The following TTLL5 variants were observed in gnomAD, a reference collection of about 807,000 sequenced individuals.
TTLL5 encodes the protein tubulin tyrosine ligase like 5.
In TTLL5, 132 loss-of-function variants were observed where a neutral mutation model predicts 168.4. The ratio of observed to expected loss-of-function variants is 0.78; its 90% CI spans 0.68 to 0.91. The LOEUF (loss-of-function observed/expected upper bound fraction) is 0.91, where lower values mean the gene tolerates loss of function less well. Ranked by LOEUF, TTLL5 falls within the 40% of genes least tolerant of loss-of-function variation. The pLI is 0.00. For synonymous variants in TTLL5, 546 were observed against 558.6 expected, an observed-to-expected ratio of 0.98 and a Z score of 0.32; for missense variants, 1,545 against 1,581.5, an observed-to-expected ratio of 0.98 and a Z score of 0.39.
chr14:75,746,086 T>C (rs766870621), intron 17 of TTLL5, among the ~76,000 whole-genome samples: 7 of 152,176 alleles, frequency 4.6e-5, no homozygotes, highest in Admixed American at 6.5e-5. Context: ...ATCCTCCACA[T>C]GACCCTGGGC....
rs115052328 is a variant in TTLL5, at chr14:75,889,214, C to T, written c.3740+6312C>T. ...ATTGGCCACTGCAGAAAATTGAATT[C>T]GCAAACTAAAAGACAAATGCCAAAA... On this transcript the variant is annotated intron_variant, in intron 30 of 31. Transcript: ENST00000298832. Among the ~76,000 whole-genome samples the T allele has an allele frequency of 8.4e-3, 1,283 of 152,070 alleles. 18 individuals are homozygous for T. The highest frequency in any genetic ancestry group is 0.029 in the African/African-American group (1,208 of 41,468).
At chr14:75,930,569 A>C in intron 31 of TTLL5, 1 of 977,990 alleles carries the variant, frequency 1.0e-6, no homozygotes, top group Non-Finnish European at 1.2e-6. Flanking sequence ...TGTATATATT[A>C]TTAATTAAAT....
At chr14:75,785,540 G>A (rs1177195063) in intron 26 of TTLL5, among the ~76,000 whole-genome samples, 2 of 152,040 alleles carry the variant, frequency 1.3e-5, no homozygotes, top group Admixed American at 1.3e-4. Flanking sequence ...TCAGTTAATT[G>A]TCCTGCATGG....
chr14:75,871,438 C>G (rs2031024728), intron 29 of TTLL5, among the ~76,000 whole-genome samples: 1 of 152,080 alleles, frequency 6.6e-6, no homozygotes, highest in Non-Finnish European at 1.5e-5. Context: ...CCTTTCCACT[C>G]TACCGTCCTC....
chr14:75,726,994 C>T (rs1172322608), intron 12 of TTLL5, among the ~76,000 whole-genome samples: 1 of 152,176 alleles, frequency 6.6e-6, no homozygotes, highest in Non-Finnish European at 1.5e-5. Context: ...ACATTAGTTT[C>T]TGTTGTTGGA....
chr14:75,726,741 A>G (rs993393063), intron 12 of TTLL5, among the ~76,000 whole-genome samples: 27 of 152,194 alleles, frequency 1.8e-4, no homozygotes, highest in African/African-American at 6.5e-4. Context: ...GGGGGAATAG[A>G]AGATAGGGTT....
intron 27 of TTLL5, among the ~76,000 whole-genome samples, chr14:75,816,836 G>A (rs1345834920): frequency 6.6e-6 from 1 of 152,132 alleles, no homozygotes; most frequent in African/African-American, 2.4e-5. Flanking sequence ...GAGTTCAGGA[G>A]TACAGGGAGT....
chr14:75,813,366 A>G (rs1247404576), intron 27 of TTLL5, among the ~76,000 whole-genome samples: 1 of 150,916 alleles, frequency 6.6e-6, no homozygotes, highest in Non-Finnish European at 1.5e-5. Flanking sequence ...CAGTGGTGTG[A>G]TCTCAGCTCA....
chr14:75,929,544 G>A (rs1374609047), intron 31 of TTLL5, among the ~76,000 whole-genome samples: 5 of 142,994 alleles, frequency 3.5e-5, no homozygotes, highest in East Asian at 2.0e-4. Flanking sequence ...CTCCGCTTCC[G>A]GGTTTCAAGC....
chr14:75,865,353 A>T (rs1023407876), intron 29 of TTLL5, among the ~76,000 whole-genome samples: 3 of 152,176 alleles, frequency 2.0e-5, no homozygotes, highest in Admixed American at 1.3e-4. Context: ...GAGAATGCCA[A>T]CTTAATCAGA....
intron 7 of TTLL5, among the ~76,000 whole-genome samples, chr14:75,701,463 CTG>C (rs1384521148): frequency 3.9e-5 from 6 of 152,278 alleles, no homozygotes; most frequent in East Asian, 1.9e-4. Flanking sequence ...AAGAGGCTGA[CTG>C]TGAATTTTGT....
At chr14:75,735,672 C>T (rs1401398246) in intron 15 of TTLL5, among the ~76,000 whole-genome samples, 6 of 152,262 alleles carry the variant, frequency 3.9e-5, no homozygotes, top group African/African-American at 1.4e-4. Flanking sequence ...AAAGAAGATG[C>T]TTTGTTGAAA....
chr14:75,759,973 A>G (rs1254336962), intron 18 of TTLL5, among the ~76,000 whole-genome samples: 1 of 152,102 alleles, frequency 6.6e-6, no homozygotes, highest in Non-Finnish European at 1.5e-5. Flanking sequence ...GTCCACTCAT[A>G]CCACTTTTAT....
At chr14:75,886,682 C>T in intron 30 of TTLL5, 1 of 1,597,046 alleles carries the variant, frequency 6.3e-7, no homozygotes, top group Non-Finnish European at 8.5e-7. Flanking sequence ...CCAATGTTTG[C>T]AACACTTCAT....
intron 5 of TTLL5, among the ~76,000 whole-genome samples, chr14:75,685,366 ACT>A (rs1362231880): frequency 2.2e-5 from 3 of 138,990 alleles, no homozygotes; most frequent in African/African-American, 8.3e-5. Context: ...ACACAGAGAG[ACT>A]CTGTCTCAAA....
chr14:75,723,843 C>T (rs1888001343), intron 12 of TTLL5, among the ~76,000 whole-genome samples: 3 of 152,078 alleles, frequency 2.0e-5, no homozygotes, highest in African/African-American at 7.2e-5. Context: ...TGACTATCTT[C>T]TTGGCTTTTG....
Position 75,914,033 on chromosome 14 carries a change from A to AATATATATATATATATAT in TTLL5, c.3823+11814_3823+11831dup, listed in dbSNP as rs1182456559. On this transcript the variant is annotated intron_variant, in intron 31 of 31. Coordinates refer to ENST00000298832, the MANE Select transcript of TTLL5 (RefSeq NM_015072.5). The stretch of plus-strand genomic sequence containing the variant: ...GTTTAAAAGGAAAAAAAAAAAAAAA[A>AATATATATATATATATAT]ATATATATATATATATATATATTTT... 9.8e-5 allele frequency among the ~76,000 whole-genome samples: 7 copies of AATATATATATATATATAT among 71,086 alleles called. No individual in the cohort carries two copies. The African/African-American group carries it at 1.1e-3, about 11-fold the overall frequency. 46.6% of individuals were successfully genotyped at this position (71,086 alleles called of 152,430 possible).
At chr14:75,734,094 C>A in intron 14 of TTLL5, 44 bp downstream of exon 14, 1 of 1,590,738 alleles carries the variant, frequency 6.3e-7, no homozygotes. Context: ...TAAAAATTAA[C>A]CGGAGCGTCC....
intron 31 of TTLL5, among the ~76,000 whole-genome samples, chr14:75,918,658 TA>T (rs1434856467): frequency 6.6e-6 from 1 of 152,208 alleles, no homozygotes; most frequent in African/African-American, 2.4e-5. Flanking sequence ...ATCAAAATTA[TA>T]AATTTGCTCT....
Sources: allele counts gnomAD v4.1 joint callset (sites outside exome capture counted in the v4.1 genomes callset), GRCh38; gene constraint gnomAD v4.1.1; transcripts MANE v1.5; gene names NCBI Gene and HGNC (gene_info 2026-07-23, HGNC 2026-07-21).